MEGF11: variants seen among roughly 807,000 people sequenced by gnomAD.
MEGF11 encodes multiple EGF like domains 11.
In MEGF11, 126 loss-of-function variants were observed where a neutral mutation model predicts 146.6. The observed-to-expected ratio is 0.86, with a 90% CI of 0.74 to 1.00. MEGF11 has a LOEUF of 1.00. MEGF11 is among the 50% of genes least tolerant of loss of function. The probability of loss-of-function intolerance (pLI) is 0.00; values close to 1 mark genes in which losing one functional copy is unlikely to be tolerated. For missense variants in MEGF11, 1,509 were observed against 1,521.2 expected (o/e 0.99, Z 0.13); for synonymous variants, 532 against 583.4 (o/e 0.91, Z 1.27).
intron 4 of MEGF11, among the ~76,000 whole-genome samples, chr15:66,099,835 C>T (rs554138835): frequency 2.0e-5 from 3 of 152,212 alleles, no homozygotes; most frequent in South Asian, 2.1e-4. Flanking sequence ...GATAGAATGG[C>T]CTGCGTTAGG....
In MEGF11 at chr15:65,964,932, G is replaced by A. The variant is rs771122895; in HGVS notation, c.1088C>T (p.Pro363Leu). 1 of 1,570,778 alleles carries A rather than the reference G, an allele frequency of 6.4e-7. No individual in the cohort carries two copies. Among genetic ancestry groups the A allele is most frequent in the Non-Finnish European group, 8.6e-7 (1 of 1,157,640 alleles). Residue 363 changes from proline (P) to leucine (L), a missense_variant, in exon 9 of 26, where the codon CCC becomes CTC. By Grantham distance (98) the Pro-to-Leu change is moderately conservative. Transcript: ENST00000395614. ...LHGPGCTLPCPCDADNTISCH... is the reference protein window; with the variant it reads ...LHGPGCTLPCLCDADNTISCH... ...CCTGATGGTGTTGTCAGCGTCACAG[G>A]GGCAGGGCAGGGTGCAGCCTGGGCC...
At chr15:65,959,106 T>G (rs892601796) in intron 9 of MEGF11, among the ~76,000 whole-genome samples, 3 of 152,236 alleles carry the variant, frequency 2.0e-5, no homozygotes, top group African/African-American at 7.2e-5. Flanking sequence ...CCTCTAAATA[T>G]AATTATCTTC....
chr15:66,141,356 G>T (rs1331358512), intron 1 of MEGF11, among the ~76,000 whole-genome samples: 1 of 151,360 alleles, frequency 6.6e-6, no homozygotes, highest in Non-Finnish European at 1.5e-5. Flanking sequence ...CCATGCTCAC[G>T]AGATTGGAGC....
intron 5 of MEGF11, among the ~76,000 whole-genome samples, chr15:66,000,147 T>TC (rs1226022395): frequency 6.6e-6 from 1 of 152,198 alleles, no homozygotes; most frequent in African/African-American, 2.4e-5. Context: ...TGTTGGGTGC[T>TC]CCCCACTAGC....
At chr15:65,962,524 T>C (rs1470143269) in intron 9 of MEGF11, among the ~76,000 whole-genome samples, 3 of 152,160 alleles carry the variant, frequency 2.0e-5, no homozygotes, top group Non-Finnish European at 2.9e-5. Context: ...GGTGGCAAGG[T>C]TGAGAAACCC....
intron 24 of MEGF11, among the ~76,000 whole-genome samples, chr15:65,899,394 T>G (rs139221555): frequency 1.2e-3 from 178 of 152,200 alleles, no homozygotes; most frequent in African/African-American, 4.1e-3. Flanking sequence ...TCTTGTGAAT[T>G]CTTCTTTTTT....
intron 4 of MEGF11, among the ~76,000 whole-genome samples, chr15:66,110,328 T>C (rs906574648): frequency 1.3e-5 from 2 of 152,258 alleles, no homozygotes; most frequent in African/African-American, 4.8e-5. Flanking sequence ...TCCGTATTTA[T>C]GAGTTTGGTC....
At chr15:66,018,959 A>G (rs752911281) in intron 5 of MEGF11, among the ~76,000 whole-genome samples, 7 of 152,202 alleles carry the variant, frequency 4.6e-5, no homozygotes, top group African/African-American at 7.2e-5. Flanking sequence ...GAGAGGGCAG[A>G]GTCATCTGCT....
chr15:66,178,369 G>T (rs1162264681), intron 1 of MEGF11, among the ~76,000 whole-genome samples: 1 of 152,184 alleles, frequency 6.6e-6, no homozygotes, highest in Non-Finnish European at 1.5e-5. Context: ...CAGTTGTCCA[G>T]CTCCATCCCA....
chr15:66,082,294 A>G (rs1458947858), intron 5 of MEGF11, among the ~76,000 whole-genome samples: 3 of 151,002 alleles, frequency 2.0e-5, no homozygotes, highest in African/African-American at 4.9e-5. Flanking sequence ...GGGCAGATGA[A>G]ATGGGATAGT....
chr15:66,206,642 C>G (rs747758619), intron 1 of MEGF11, among the ~76,000 whole-genome samples: 10 of 152,176 alleles, frequency 6.6e-5, no homozygotes, highest in Non-Finnish European at 1.2e-4. Flanking sequence ...TGGCTCACAC[C>G]TGTAATCCCA....
intron 5 of MEGF11, among the ~76,000 whole-genome samples, chr15:66,083,394 A>G (rs1442855886): frequency 1.3e-5 from 2 of 152,244 alleles, no homozygotes; most frequent in African/African-American, 4.8e-5. Flanking sequence ...AGTCTCTAGC[A>G]AAAGTCTTTT....
intron 1 of MEGF11, among the ~76,000 whole-genome samples, chr15:66,178,629 G>A (rs1171500370): frequency 3.3e-5 from 5 of 152,168 alleles, no homozygotes; most frequent in African/African-American, 4.8e-5. Flanking sequence ...AAGGAAGCCC[G>A]CACTCTCAGA....
At chr15:66,234,022 A>G (rs970707165) in intron 1 of MEGF11, among the ~76,000 whole-genome samples, 1 of 118,880 alleles carries the variant, frequency 8.4e-6, no homozygotes, top group African/African-American at 3.4e-5. Context: ...TGCAACCTCC[A>G]CCTCCCGGGT....
At chr15:66,206,254 GA>G (rs553416714) in intron 1 of MEGF11, among the ~76,000 whole-genome samples, 1 of 151,990 alleles carries the variant, frequency 6.6e-6, no homozygotes, top group Non-Finnish European at 1.5e-5. Flanking sequence ...AAACAGACTT[GA>G]AAAAAATGCA....
intron 1 of MEGF11, among the ~76,000 whole-genome samples, chr15:66,184,038 T>A (rs2090627030): frequency 6.6e-6 from 1 of 152,054 alleles, no homozygotes; most frequent in Admixed American, 6.5e-5. Context: ...TACTAATATA[T>A]AAAAATGAAA....
intron 1 of MEGF11, among the ~76,000 whole-genome samples, chr15:66,173,350 T>C (rs767366763): frequency 2.0e-5 from 3 of 152,164 alleles, no homozygotes; most frequent in African/African-American, 4.8e-5. Context: ...AGTCTCGCTC[T>C]TGTGGCCCAG....
At chr15:65,960,157 A>C (rs957940205) in intron 9 of MEGF11, among the ~76,000 whole-genome samples, 4 of 152,276 alleles carry the variant, frequency 2.6e-5, no homozygotes, top group Non-Finnish European at 5.9e-5. Flanking sequence ...AACGATATAG[A>C]CATCGACAGA....
rs140623036 is a variant in MEGF11, at chr15:66,107,453, C to G, written c.301+11633G>C. Among the ~76,000 whole-genome samples the G allele has an allele frequency of 4.2e-3, 641 of 152,278 alleles. 4 individuals carry two copies. Among genetic ancestry groups the G allele is most frequent in the Non-Finnish European group, 6.8e-3 (461 of 68,006 alleles). On this transcript the variant is annotated intron_variant, in intron 4 of 25. Transcript: ENST00000395614. ...CCAGGAGGCACTGCATGAGGAGCTC[C>G]GTCCCTCCCACGTCCCTCCAGTCAC... is the stretch of plus-strand genomic sequence containing the variant.
Sources: allele counts gnomAD v4.1 joint callset (sites outside exome capture counted in the v4.1 genomes callset), GRCh38; gene constraint gnomAD v4.1.1; transcripts MANE v1.5; gene names NCBI Gene and HGNC (gene_info 2026-07-23, HGNC 2026-07-21).